The following SCAP variants were observed in gnomAD, a reference collection of about 807,000 sequenced individuals.
SCAP encodes the protein sterol regulatory element-binding protein cleavage-activating protein.
A neutral mutation model predicts 123.6 loss-of-function variants in SCAP; 65 were observed. The ratio of observed to expected loss-of-function variants is 0.53; its 90% confidence interval spans 0.43 to 0.65. The LOEUF is 0.65. SCAP is among the 30% of genes least tolerant of loss of function. The pLI is 0.00. For synonymous variants in SCAP, 740 were observed against 726.3 expected (o/e 1.02, Z -0.30); for missense variants, 1,398 against 1,712.5 (o/e 0.82, Z 3.24).
chr3:47,456,799 A>G (rs1707443812), intron 1 of SCAP, among the ~76,000 whole-genome samples: 1 of 152,132 alleles, frequency 6.6e-6, no homozygotes, highest in Non-Finnish European at 1.5e-5. Context: ...AAAAAAGATA[A>G]ATAAGATCTG....
At chr3:47,466,142 A>C (rs949382850) in intron 1 of SCAP, among the ~76,000 whole-genome samples, 16 of 151,374 alleles carry the variant, frequency 1.1e-4, no homozygotes, top group East Asian at 5.9e-4. Flanking sequence ...AAACCAAAAA[A>C]AAAAAAAAAA....
rs1705504654 is a variant in SCAP at position 47,414,977 on chromosome 3, G to C, written c.3156C>G (p.Gly1052=). 2.5e-6 allele frequency: 4 copies of C among 1,595,932 alleles called. No individual in the cohort carries two copies. Among genetic ancestry groups the C allele is most frequent in the Middle Eastern group, 3.4e-4 (2 of 5,954 alleles). ...PLQFRGTPGR[G]SSPASPVYSS... is the part of the protein sequence containing the mutation. ...TGTACACTGGAGAGGCAGGGGAACT[G>C]CCCCGCCCTGGGGTCCCTGAGGACA... Residue 1052 remains glycine (G), a synonymous_variant, in exon 20 of 23, where the codon GGC becomes GGG. Transcript: ENST00000265565.
In SCAP at chr3:47,425,714, C is replaced by A. The variant is rs960448600; in HGVS notation, c.911-103G>T. The A allele has an allele frequency of 3.1e-6, 4 of 1,285,562 alleles. No individual in the cohort carries two copies. The African/African-American group carries it at 5.8e-5, about 19-fold the overall frequency. 79.6% of individuals were successfully genotyped at this position (1,285,562 alleles called of 1,614,324 possible). On this transcript the variant is annotated intron_variant, in intron 7 of 22. Coordinates refer to ENST00000265565, the MANE Select transcript of SCAP (RefSeq NM_012235.4). ...CCTGACAGTCGAGGAAGGGAAAACTCCTGGTTTCACCAAAGGAAAGGGACA... is the reference window on the plus strand; with the variant it reads ...CCTGACAGTCGAGGAAGGGAAAACTACTGGTTTCACCAAAGGAAAGGGACA...
intron 1 of SCAP, among the ~76,000 whole-genome samples, chr3:47,447,028 C>A (rs565021533): frequency 4.1e-4 from 62 of 152,260 alleles, no homozygotes; most frequent in Non-Finnish European, 7.9e-4. Context: ...CCCCTTTGGT[C>A]TAAAGATAGC....
chr3:47,425,914 A>G, intron 7 of SCAP, 83 bp downstream of exon 7: 1 of 1,492,138 alleles, frequency 6.7e-7, no homozygotes, highest in Non-Finnish European at 9.2e-7. Context: ...ACCCCAAGCC[A>G]CCTCCAGAGC....
rs144801018 is a variant in SCAP, at chr3:47,416,453, A to G, written c.3056+669T>C. 4.3e-4 allele frequency among the ~76,000 whole-genome samples: 65 copies of G among 152,310 alleles called. 1 individual carries two copies. In the East Asian group the frequency reaches 0.011, roughly 25 times the overall value. Reference sequence around the variant, plus strand: ...CACTCTGTAACTAAAAATGCAACCAAGATACCCCAAAGGCTCAATATTGAC... The same window carrying G: ...CACTCTGTAACTAAAAATGCAACCAGGATACCCCAAAGGCTCAATATTGAC... On this transcript the variant is annotated intron_variant, in intron 18 of 22. Coordinates refer to ENST00000265565, the MANE Select transcript of SCAP (RefSeq NM_012235.4).
At chr3:47,425,850 T>C (rs570134676) in intron 7 of SCAP, 147 bp downstream of exon 7, 29 of 1,004,590 alleles carry the variant, frequency 2.9e-5, no homozygotes, top group African/African-American at 4.9e-5. Context: ...CCTAAGACCC[T>C]GCTGGGGGAC....
intron 7 of SCAP, 145 bp from the exon 8 acceptor site, chr3:47,425,756 A>G: frequency 1.0e-6 from 1 of 959,910 alleles, no homozygotes; most frequent in Non-Finnish European, 1.5e-6. Context: ...AGCACTTCCC[A>G]GTGTCATGGA....
At chr3:47,426,523 C>T (rs973354822) in intron 6 of SCAP, among the ~76,000 whole-genome samples, 40 of 152,238 alleles carry the variant, frequency 2.6e-4, no homozygotes, top group African/African-American at 9.1e-4. Flanking sequence ...CTGCAAGCTC[C>T]GCCTCCTGGG....
At chr3:47,432,456 T>C (rs1192215891) in intron 3 of SCAP, among the ~76,000 whole-genome samples, 2 of 151,454 alleles carry the variant, frequency 1.3e-5, no homozygotes, top group Non-Finnish European at 2.9e-5. Flanking sequence ...CTTTGAAAAA[T>C]CTTTGTCTTC....
chr3:47,426,627 C>T (rs1314025828), intron 6 of SCAP, among the ~76,000 whole-genome samples: 14 of 151,982 alleles, frequency 9.2e-5, no homozygotes, highest in Non-Finnish European at 1.8e-4. Flanking sequence ...TTAGTAGAGA[C>T]GGGGTTTCAC....
chr3:47,443,631 G>T (rs13058785), intron 1 of SCAP, among the ~76,000 whole-genome samples: 1 of 152,146 alleles, frequency 6.6e-6, no homozygotes, highest in Non-Finnish European at 1.5e-5. Flanking sequence ...AAAAAGCTTA[G>T]GTCTCTGACA....
Position 47,417,882 on chromosome 3 carries a change from G to GCC in SCAP, c.2448-57_2448-56insGG, listed in dbSNP as rs1469484189. ...GCACGGGGGAGGGGGGTGAGAGGGG[G>GCC]CGGGGGACGGGGGTGAGAGGGGGCG... On this transcript the variant is annotated intron_variant, in intron 16 of 22. Coordinates refer to ENST00000265565, the MANE Select transcript of SCAP (RefSeq NM_012235.4). 2.3e-4 allele frequency: 70 copies of GCC among 306,776 alleles called. 2 individuals carry two copies. Among genetic ancestry groups the GCC allele is most frequent in the Non-Finnish European group, 2.8e-4 (49 of 173,348 alleles). The allele number at this position is 306,776 out of a possible 1,614,324, so 19.0% of individuals were successfully genotyped here. A position where few individuals can be genotyped will look rare whatever the true frequency, so the allele number is the denominator to read the frequency against.
In SCAP at chr3:47,417,224, T is replaced by C; in HGVS notation, c.2971-17A>G. 6.2e-7 allele frequency: 1 copy of C among 1,612,792 alleles called. No homozygotes were observed. The highest frequency in any genetic ancestry group is 8.5e-7 in the Non-Finnish European group (1 of 1,179,940). ...GTCCCACACCTACGAGTCCAGAGGC[T>C]GTGAGCACCTGCCAGCCAGAAAGGC... On this transcript the variant is annotated splice_polypyrimidine_tract_variant and intron_variant, in intron 17 of 22. Transcript: ENST00000265565.
intron 1 of SCAP, among the ~76,000 whole-genome samples, chr3:47,474,612 C>T: frequency 6.6e-6 from 1 of 152,088 alleles, no homozygotes; most frequent in Non-Finnish European, 1.5e-5. Flanking sequence ...CTGGGCAACA[C>T]AGCAAGACCC....
rs200182837 is a variant in SCAP at position 47,435,026 on chromosome 3, A to G, written c.234T>C (p.Pro78=). Residue 78 remains proline (P), a synonymous_variant, in exon 3 of 23, where the codon CCT becomes CCC. Transcript: ENST00000265565. ...TACCCACCCACTCAGGCTGCTCAGT[A>G]GGCTCTCCTTGTTTGCGGTCAGAGT... ...PVDSDRKQGE[P]TEQPEWYVGA... is the part of the protein sequence containing the mutation. The G allele has an allele frequency of 7.8e-5, 126 of 1,614,050 alleles. 1 individual carries two copies. In the Middle Eastern group the frequency reaches 1.2e-3, roughly 15 times the overall value.
chr3:47,428,729 G>A, intron 3 of SCAP, 59 bp from the exon 4 acceptor site: 2 of 1,579,634 alleles, frequency 1.3e-6, no homozygotes, highest in South Asian at 2.3e-5. Flanking sequence ...AAGAAAGACG[G>A]TCCAATTCAA....
intron 2 of SCAP, among the ~76,000 whole-genome samples, chr3:47,438,962 A>G (rs1706695405): frequency 6.6e-6 from 1 of 152,172 alleles, no homozygotes; most frequent in African/African-American, 2.4e-5. Context: ...AAGACTAGGA[A>G]GACAGTGAAT....
In SCAP at chr3:47,418,074, CGGGGGGTGGGGTGA is replaced by C; in HGVS notation, c.2447+46_2447+59del. 3 of 1,168,936 alleles carry C rather than the reference CGGGGGGTGGGGTGA, an allele frequency of 2.6e-6. No homozygotes were observed. The South Asian group carries it at 4.4e-5, about 17-fold the overall frequency. The allele number at this position is 1,168,936 out of a possible 1,614,324, so 72.4% of individuals were successfully genotyped here. A position where few individuals can be genotyped will look rare whatever the true frequency, so the allele number is the denominator to read the frequency against. ...AGAAAGGAGGGGAGATACGTGGCGG[CGGGGGGTGGGGTGA>C]GGGGGGTTGTGGGGGCACAAAGGAG... On this transcript the variant is annotated intron_variant, in intron 16 of 22. Coordinates refer to ENST00000265565, the MANE Select transcript of SCAP (RefSeq NM_012235.4).
Sources: gnomAD v4.1 joint callset for allele counts (sites outside exome capture counted in the v4.1 genomes callset) on GRCh38, gnomAD v4.1.1 for gene constraint, MANE v1.5 for transcripts, NCBI Gene and HGNC (gene_info 2026-07-23, HGNC 2026-07-21) for gene names.